STK39: variants seen among roughly 807,000 people sequenced by gnomAD.
STK39 encodes STE20/SPS1-related proline-alanine-rich protein kinase.
A neutral mutation model predicts 77.8 loss-of-function variants in STK39; 20 were observed. The ratio of observed to expected loss-of-function variants is 0.26; its 90% CI spans 0.18 to 0.37. The LOEUF (loss-of-function observed/expected upper bound fraction) is 0.37, where lower values mean the gene tolerates loss of function less well. Among genes scored for constraint, STK39 ranks in the 10% least tolerant of loss-of-function variants. The pLI is 1.00. For missense variants in STK39, 479 were observed against 656.5 expected, an observed-to-expected ratio of 0.73 and a Z score of 2.95; for synonymous variants, 246 against 234.1, an observed-to-expected ratio of 1.05 and a Z score of -0.47.
At chr2:167,986,535 TTAGA>T (rs1186654315) in intron 16 of STK39, among the ~76,000 whole-genome samples, 8 of 152,164 alleles carry the variant, frequency 5.3e-5, no homozygotes, top group Admixed American at 1.3e-4. Context: ...TCCTTCCCTC[TTAGA>T]TAAAGAGAGA....
At chr2:168,078,102 A>C (rs923589935) in intron 10 of STK39, among the ~76,000 whole-genome samples, 5 of 152,200 alleles carry the variant, frequency 3.3e-5, no homozygotes, top group African/African-American at 1.2e-4. Flanking sequence ...ATTTTAAAAA[A>C]TCCATTGCTT....
chr2:167,996,566 T>C (rs1245322712), intron 16 of STK39, among the ~76,000 whole-genome samples: 2 of 152,184 alleles, frequency 1.3e-5, no homozygotes, highest in Non-Finnish European at 2.9e-5. Flanking sequence ...ACAGGGAATT[T>C]AGAACATCAC....
chr2:168,106,716 G>A (rs1319685364), intron 10 of STK39, among the ~76,000 whole-genome samples: 1 of 152,118 alleles, frequency 6.6e-6, no homozygotes, highest in Non-Finnish European at 1.5e-5. Context: ...CAGCTACTCT[G>A]GAGACTGAGG....
At chr2:168,214,146 G>A (rs1411178992) in intron 1 of STK39, among the ~76,000 whole-genome samples, 2 of 151,926 alleles carry the variant, frequency 1.3e-5, no homozygotes, top group African/African-American at 2.4e-5. Context: ...CAAGTCACTC[G>A]GCATCCCTGA....
At chr2:168,084,627 T>C (rs1686321764) in intron 10 of STK39, among the ~76,000 whole-genome samples, 1 of 152,170 alleles carries the variant, frequency 6.6e-6, no homozygotes, top group Non-Finnish European at 1.5e-5. Flanking sequence ...CCTAATGAAC[T>C]CAATGATCTA....
chr2:168,015,901 G>T (rs1684390854), intron 15 of STK39, among the ~76,000 whole-genome samples: 1 of 152,238 alleles, frequency 6.6e-6, no homozygotes, highest in Admixed American at 6.5e-5. Flanking sequence ...CAGAAAGAAA[G>T]ATCAATTAGC....
chr2:168,088,546 A>G (rs566081246), intron 10 of STK39, among the ~76,000 whole-genome samples: 1 of 152,218 alleles, frequency 6.6e-6, no homozygotes, highest in African/African-American at 2.4e-5. Context: ...GTGAGTTTCA[A>G]ATAGAAACAT....
chr2:168,186,915 A>G (rs1057025119), intron 1 of STK39, among the ~76,000 whole-genome samples: 32 of 152,234 alleles, frequency 2.1e-4, no homozygotes, highest in African/African-American at 7.7e-4. Context: ...AAACCAAAGA[A>G]CTAAATGATT....
chr2:168,215,303 T>C (rs1689998826), intron 1 of STK39, among the ~76,000 whole-genome samples: 1 of 152,110 alleles, frequency 6.6e-6, no homozygotes. Flanking sequence ...TTAATTTGAT[T>C]TTACAGGGGA....
At chr2:168,186,747 C>T in intron 1 of STK39, among the ~76,000 whole-genome samples, 1 of 152,158 alleles carries the variant, frequency 6.6e-6, no homozygotes, top group East Asian at 1.9e-4. Flanking sequence ...ACTCATTTCT[C>T]CATCTGTGAC....
intron 14 of STK39, among the ~76,000 whole-genome samples, chr2:168,033,498 A>G (rs1240387450): frequency 6.6e-6 from 1 of 152,190 alleles, no homozygotes; most frequent in Non-Finnish European, 1.5e-5. Flanking sequence ...TGGCCTTGGT[A>G]TATGTAGCAG....
intron 10 of STK39, among the ~76,000 whole-genome samples, chr2:168,105,133 G>A (rs569034998): frequency 6.6e-6 from 1 of 152,212 alleles, no homozygotes; most frequent in Admixed American, 6.5e-5. Flanking sequence ...TCAAAAAGGT[G>A]ATCCTGACAG....
chr2:168,108,245 G>A (rs997196742), intron 10 of STK39, among the ~76,000 whole-genome samples: 1 of 152,152 alleles, frequency 6.6e-6, no homozygotes, highest in Non-Finnish European at 1.5e-5. Flanking sequence ...TTTCTCCAGT[G>A]TTCTCTCACT....
chr2:168,232,866 C>T (rs534914147), intron 1 of STK39, among the ~76,000 whole-genome samples: 3 of 151,828 alleles, frequency 2.0e-5, no homozygotes, highest in Admixed American at 6.6e-5. Context: ...GAGCCGAGAT[C>T]GCGCCATTGC....
Position 168,173,360 on chromosome 2 carries a change from G to A in STK39, c.322-5953C>T, listed in dbSNP as rs1028494050. On this transcript the variant is annotated intron_variant, in intron 2 of 17. Coordinates refer to ENST00000355999, the MANE Select transcript of STK39 (RefSeq NM_013233.3). ...ACTTCTTTTAGCAGCATTATGAAAG[G>A]TAACCTAATCAATATTCACAAATAA... Among the ~76,000 whole-genome samples, 9 of 152,078 alleles carry A rather than the reference G, an allele frequency of 5.9e-5. 1 individual carries two copies. The highest frequency in any genetic ancestry group is 1.7e-4 in the African/African-American group (7 of 41,404).
At chr2:168,211,045 G>A (rs996071037) in intron 1 of STK39, among the ~76,000 whole-genome samples, 7 of 152,030 alleles carry the variant, frequency 4.6e-5, no homozygotes, top group African/African-American at 9.7e-5. Flanking sequence ...GTATTAGTCC[G>A]TTTTCTCTAT....
At chr2:168,150,410 T>C (rs1688249184) in intron 5 of STK39, among the ~76,000 whole-genome samples, 1 of 152,196 alleles carries the variant, frequency 6.6e-6, no homozygotes, top group South Asian at 2.1e-4. Flanking sequence ...TAAATTCATA[T>C]ACATGGCACA....
intron 2 of STK39, among the ~76,000 whole-genome samples, chr2:168,175,119 C>T (rs948260134): frequency 6.6e-6 from 1 of 152,120 alleles, no homozygotes; most frequent in Non-Finnish European, 1.5e-5. Flanking sequence ...GATTCCACAG[C>T]CCTCCTTTTT....
At chr2:168,010,322 A>G (rs1684239885) in intron 16 of STK39, among the ~76,000 whole-genome samples, 1 of 152,224 alleles carries the variant, frequency 6.6e-6, no homozygotes. Flanking sequence ...CTAAGACACA[A>G]AAGTGTATAC....
Sources: allele counts gnomAD v4.1 joint callset (sites outside exome capture counted in the v4.1 genomes callset), GRCh38; gene constraint gnomAD v4.1.1; transcripts MANE v1.5; gene names NCBI Gene and HGNC (gene_info 2026-07-23, HGNC 2026-07-21).